The following VPS13B variants were observed in gnomAD, a reference collection of about 807,000 sequenced individuals.
VPS13B encodes the protein intermembrane lipid transfer protein VPS13B.
Under a neutral mutation model 426.4 loss-of-function variants are expected in VPS13B, and 285 were observed. That is an observed-to-expected ratio of 0.67 (90% confidence interval 0.61 to 0.74). The LOEUF (loss-of-function observed/expected upper bound fraction) is 0.74. VPS13B is among the 30% of genes least tolerant of loss of function. The pLI is 0.00. For synonymous variants in VPS13B, 1,676 were observed against 1,676.4 expected (o/e 1.00, Z 0.01); for missense variants, 4,537 against 4,782.6 (o/e 0.95, Z 1.51).
intron 60 of VPS13B, chr8:99,871,171 G>A: frequency 1.7e-6 from 1 of 604,456 alleles, no homozygotes; most frequent in Non-Finnish European, 2.9e-6. Flanking sequence ...GAGATTCCCT[G>A]TGGAACCAGC....
intron 3 of VPS13B, among the ~76,000 whole-genome samples, chr8:99,042,725 G>A (rs1172667799): frequency 6.6e-6 from 1 of 151,996 alleles, no homozygotes; most frequent in African/African-American, 2.4e-5. Flanking sequence ...GGCCTCAAGT[G>A]ACCCTCCTGC....
At chr8:99,755,298 G>A (rs1810586985) in intron 39 of VPS13B, among the ~76,000 whole-genome samples, 1 of 152,152 alleles carries the variant, frequency 6.6e-6, no homozygotes, top group African/African-American at 2.4e-5. Flanking sequence ...GACCTTTAGG[G>A]AAGTCTGTTT....
intron 3 of VPS13B, among the ~76,000 whole-genome samples, chr8:99,082,367 T>C (rs1845530810): frequency 6.6e-6 from 1 of 152,226 alleles, no homozygotes; most frequent in African/African-American, 2.4e-5. Context: ...TATTAGCCCT[T>C]TGTCCGATGA....
At chr8:99,273,940 T>A (rs1818751721) in intron 17 of VPS13B, among the ~76,000 whole-genome samples, 2 of 152,220 alleles carry the variant, frequency 1.3e-5, no homozygotes, top group Non-Finnish European at 2.9e-5. Context: ...TAAAAAGTAT[T>A]TGTGCATTTA....
rs928699369 is a variant in VPS13B, at chr8:99,868,076, A to G, written c.11216-213A>G. ...TTCACAGATCCTGACTGTGTGGACCAAACTCCGTCTGAACATTGTATTTTG... is the reference window on the plus strand; with the variant it reads ...TTCACAGATCCTGACTGTGTGGACCGAACTCCGTCTGAACATTGTATTTTG... On this transcript the variant is annotated intron_variant, in intron 58 of 61. Coordinates refer to ENST00000357162, the MANE Select transcript of VPS13B (RefSeq NM_152564.5). The G allele has an allele frequency of 7.0e-6, 4 of 574,190 alleles. No homozygotes were observed. The East Asian group carries it at 1.4e-4, about 20-fold the overall frequency. The allele number at this position is 574,190 out of a possible 1,614,324, so 35.6% of individuals were successfully genotyped here.
intron 17 of VPS13B, among the ~76,000 whole-genome samples, chr8:99,212,622 G>T (rs1189459311): frequency 6.6e-6 from 1 of 152,114 alleles, no homozygotes; most frequent in African/African-American, 2.4e-5. Context: ...TCTGAACTCT[G>T]CATTACCATA....
At position 99,136,747 on chromosome 8, in the gene VPS13B, G is replaced by T. The variant is rs886062536; in HGVS notation, c.1646G>T (p.Gly549Val). ...DYLYTMENTSGKGSTNQQDFS... is the reference protein window; with the variant it reads ...DYLYTMENTSVKGSTNQQDFS... ...CTGTATACAATGGAGAACACTAGTG[G>T]CAAAGGTATTGGCTTCTTTCCTTTA... The change falls in exon 12 of 62, where the codon GGC becomes GTC. Residue 549 changes from glycine (G) to valine (V), a missense_variant. Around this residue, in one of 2 missense-constraint regions of VPS13B, gnomAD observed 4,311 missense variants for 4,474.3 expected, o/e 0.96. Coordinates refer to ENST00000357162, the MANE Select transcript of VPS13B (RefSeq NM_152564.5). 6 of 1,613,394 alleles carry T rather than the reference G, an allele frequency of 3.7e-6. No individual in the cohort carries two copies. Among genetic ancestry groups the T allele is most frequent in the South Asian group, 1.1e-5 (1 of 91,072 alleles).
At chr8:99,266,685 A>G (rs1818324302) in intron 17 of VPS13B, among the ~76,000 whole-genome samples, 1 of 151,970 alleles carries the variant, frequency 6.6e-6, no homozygotes, top group Admixed American at 6.5e-5. Context: ...TGAATCATGG[A>G]GGTGGTTACC....
At position 99,174,989 on chromosome 8, in the gene VPS13B, G is replaced by A. The variant is rs562675641; in HGVS notation, c.2333+4826G>A. Reference sequence around the variant, plus strand: ...TATTTTTTATGTTTCAGTGAATGCAGCATTTTTACTTTTTCTTAATGATTC... The same window carrying A: ...TATTTTTTATGTTTCAGTGAATGCAACATTTTTACTTTTTCTTAATGATTC... On this transcript the variant is annotated intron_variant, in intron 16 of 61. Transcript: ENST00000357162. Among the ~76,000 whole-genome samples, 5 of 152,202 alleles carry A rather than the reference G, an allele frequency of 3.3e-5. No individual in the cohort carries two copies. The East Asian group carries it at 9.6e-4, about 29-fold the overall frequency.
chr8:99,235,911 C>T (rs1172781480), intron 17 of VPS13B, among the ~76,000 whole-genome samples: 1 of 152,148 alleles, frequency 6.6e-6, no homozygotes, highest in Non-Finnish European at 1.5e-5. Flanking sequence ...TTATTTATTT[C>T]ATTGTCAATA....
chr8:99,413,325 G>T (rs1189207395), intron 21 of VPS13B, among the ~76,000 whole-genome samples: 1 of 152,084 alleles, frequency 6.6e-6, no homozygotes, highest in Non-Finnish European at 1.5e-5. Flanking sequence ...ATTTCTTCTA[G>T]ATTTTCTAGT....
intron 21 of VPS13B, among the ~76,000 whole-genome samples, chr8:99,392,145 C>G (rs995589067): frequency 6.6e-6 from 1 of 152,140 alleles, no homozygotes; most frequent in Non-Finnish European, 1.5e-5. Flanking sequence ...ACTTAAAAGA[C>G]CCATAGAGAA....
intron 16 of VPS13B, among the ~76,000 whole-genome samples, chr8:99,172,309 G>A (rs1201712957): frequency 2.6e-5 from 4 of 152,128 alleles, no homozygotes; most frequent in Admixed American, 6.6e-5. Flanking sequence ...GGCTTAGAAA[G>A]TCATGGAAAA....
At chr8:99,388,327 A>G (rs1563702302) in intron 20 of VPS13B, among the ~76,000 whole-genome samples, 1 of 152,178 alleles carries the variant, frequency 6.6e-6, no homozygotes. Flanking sequence ...AAAAAAGCAA[A>G]TATGATAAAC....
intron 25 of VPS13B, among the ~76,000 whole-genome samples, chr8:99,490,790 CTT>C (rs1373949861): frequency 6.6e-6 from 1 of 152,072 alleles, no homozygotes; most frequent in Non-Finnish European, 1.5e-5. Flanking sequence ...ATTCTTCTCT[CTT>C]TTCTTCTTTA....
chr8:99,648,150 G>A (rs1171021341), intron 34 of VPS13B, among the ~76,000 whole-genome samples: 1 of 152,214 alleles, frequency 6.6e-6, no homozygotes, highest in East Asian at 1.9e-4. Context: ...TTCGCTGAAT[G>A]TGAGCACTTG....
At chr8:99,800,271 G>A (rs1301195752) in intron 43 of VPS13B, among the ~76,000 whole-genome samples, 46 of 152,036 alleles carry the variant, frequency 3.0e-4, no homozygotes, top group Admixed American at 3.0e-3. Flanking sequence ...GGTACCAAGG[G>A]TAAACAGTCT....
chr8:99,478,648 C>T (rs1263182877), intron 24 of VPS13B, among the ~76,000 whole-genome samples: 7 of 151,286 alleles, frequency 4.6e-5, no homozygotes, highest in South Asian at 2.1e-4. Context: ...GGCGTTTCAC[C>T]ATGTTGGCCA....
chr8:99,357,087 A>G (rs1812220833), intron 19 of VPS13B, among the ~76,000 whole-genome samples: 1 of 152,198 alleles, frequency 6.6e-6, no homozygotes, highest in Admixed American at 6.5e-5. Context: ...CTATGTGAAA[A>G]CACTACATTC....
Sources: allele counts gnomAD v4.1 joint callset (sites outside exome capture counted in the v4.1 genomes callset), GRCh38; gene constraint gnomAD v4.1.1; regional missense constraint gnomAD v4.1.1; transcripts MANE v1.5; gene names NCBI Gene and HGNC (gene_info 2026-07-23, HGNC 2026-07-21).